UBR3: variants seen among roughly 807,000 people sequenced by gnomAD.
The protein encoded by UBR3 is ubiquitin protein ligase E3 component n-recognin 3.
Under a neutral mutation model 243.2 loss-of-function variants are expected in UBR3, and 85 were observed. The observed-to-expected ratio is 0.35, with a 90% CI of 0.29 to 0.42. The LOEUF is 0.42. Among genes scored for constraint, UBR3 ranks in the 10% least tolerant of loss-of-function variants. The pLI is 1.00. For synonymous variants in UBR3, 748 were observed against 799.8 expected (o/e 0.94, Z 1.09); for missense variants, 1,686 against 2,300.8 (o/e 0.73, Z 5.47).
At chr2:169,853,394 CTTTCT>C (rs1162954707) in intron 1 of UBR3, among the ~76,000 whole-genome samples, 1 of 151,672 alleles carries the variant, frequency 6.6e-6, no homozygotes, top group African/African-American at 2.4e-5. Context: ...TACTTTTTTT[CTTTCT>C]TTTCTTCCTT....
chr2:169,875,233 A>T (rs1028680574), intron 2 of UBR3, among the ~76,000 whole-genome samples: 2 of 152,132 alleles, frequency 1.3e-5, no homozygotes, highest in African/African-American at 4.8e-5. Flanking sequence ...CTAGGATGTG[A>T]TCTAAACTTT....
chr2:170,001,373 T>G lies in UBR3; in HGVS notation c.3988T>G (p.Leu1330Val). The G allele has an allele frequency of 6.2e-7, 1 of 1,613,830 alleles. No individual in the cohort carries two copies. The highest frequency in any genetic ancestry group is 8.5e-7 in the Non-Finnish European group (1 of 1,179,852). ...TTATGTACAAACCTGTGGTCACACA[T>G]TACATATAGATTGTCATAAATCTTA... ...GVYVQTCGHTLHIDCHKSYME... is the reference protein window; with the variant it reads ...GVYVQTCGHTVHIDCHKSYME... The change falls in exon 27 of 39, where the codon TTA (leucine) becomes GTA (valine). Residue 1330 changes from leucine (L) to valine (V), a missense_variant. This residue lies in a region of UBR3 where 156 missense variants were observed against 246.3 expected (regional missense o/e 0.63). Coordinates refer to ENST00000272793, the MANE Select transcript of UBR3 (RefSeq NM_172070.4).
At position 170,055,573 on chromosome 2, in the gene UBR3, G is replaced by C. The variant is rs773483799; in HGVS notation, c.4774G>C (p.Ala1592Pro). The C allele has an allele frequency of 6.8e-6, 11 of 1,613,136 alleles. No individual in the cohort carries two copies. The South Asian group carries it at 1.1e-4, about 16-fold the overall frequency. ...EDRSAWKHAG[A>P]LKKSTCDAEK... ...TAGGTCAGCCTGGAAACACGCGGGA[G>C]CTCTCAAAAAGGTTAGGCTCTTTCT... Residue 1592 changes from alanine to proline, a missense_variant, in exon 33 of 39, where the codon GCT becomes CCT. Physicochemically the swap from Ala to Pro is conservative, Grantham distance 27. Transcript: ENST00000272793.
chr2:169,861,305 T>A (rs2083079978), intron 1 of UBR3, among the ~76,000 whole-genome samples: 1 of 152,138 alleles, frequency 6.6e-6, no homozygotes, highest in Admixed American at 6.6e-5. Context: ...TTTTTCCTAC[T>A]CGTCTTTTCA....
rs2089013416 is a variant in UBR3, at chr2:169,986,590, T to C, written c.3635-55T>C. 1.3e-5 allele frequency: 20 copies of C among 1,531,922 alleles called. 2 individuals are homozygous for C. In the South Asian group the frequency reaches 2.4e-4, roughly 18 times the overall value. The allele number at this position is 1,531,922 out of a possible 1,614,324, so 94.9% of individuals were successfully genotyped here. On this transcript the variant is annotated intron_variant, in intron 24 of 38. Transcript: ENST00000272793. ...ACTTGATTTTTCTCTCACACTTTCATTGAAGAGAGATTTTCCTCCTAAGGA... is the reference window on the plus strand; with the variant it reads ...ACTTGATTTTTCTCTCACACTTTCACTGAAGAGAGATTTTCCTCCTAAGGA...
At chr2:169,874,699 TAA>T (rs1424719851) in intron 2 of UBR3, among the ~76,000 whole-genome samples, 2 of 152,198 alleles carry the variant, frequency 1.3e-5, no homozygotes, top group African/African-American at 4.8e-5. Flanking sequence ...TATTACTATA[TAA>T]GTCACTGGGG....
At chr2:169,891,348 T>G (rs2084367695) in intron 6 of UBR3, 117 bp downstream of exon 6, 1 of 651,162 alleles carries the variant, frequency 1.5e-6, no homozygotes, top group African/African-American at 1.8e-5. Flanking sequence ...GAAGGGAGGC[T>G]TATGTTATTA....
chr2:170,065,795 A>G (rs991564048), intron 35 of UBR3, among the ~76,000 whole-genome samples: 1 of 151,832 alleles, frequency 6.6e-6, no homozygotes, highest in African/African-American at 2.4e-5. Context: ...CCTTTTTACT[A>G]TTTTAGGTAT....
At chr2:169,938,811 C>T (rs2086449996) in intron 19 of UBR3, among the ~76,000 whole-genome samples, 1 of 152,072 alleles carries the variant, frequency 6.6e-6, no homozygotes, top group African/African-American at 2.4e-5. Flanking sequence ...ATCAAATTCT[C>T]TGGTCGATTT....
At chr2:169,951,816 A>T (rs72874423) in intron 23 of UBR3, among the ~76,000 whole-genome samples, 1 of 152,198 alleles carries the variant, frequency 6.6e-6, no homozygotes, top group Non-Finnish European at 1.5e-5. Context: ...TGTGTATGAG[A>T]TATTTAGCAG....
intron 23 of UBR3, among the ~76,000 whole-genome samples, chr2:169,953,157 A>C (rs903410882): frequency 6.6e-6 from 1 of 152,188 alleles, no homozygotes; most frequent in Non-Finnish European, 1.5e-5. Context: ...ATAATATTCT[A>C]AAAATTTTAA....
chr2:169,963,199 A>G (rs183709597), intron 24 of UBR3, among the ~76,000 whole-genome samples: 76 of 152,280 alleles, frequency 5.0e-4, no homozygotes, highest in Non-Finnish European at 8.1e-4. Flanking sequence ...TTGGGGTGCT[A>G]TGTAGTGAAG....
rs2083479831 is a variant in UBR3 at position 169,872,948 on chromosome 2, T to C, written c.685+573T>C. 2.0e-5 allele frequency among the ~76,000 whole-genome samples: 3 copies of C among 152,284 alleles called. No individual in the cohort carries two copies. The South Asian group carries it at 6.2e-4, about 32-fold the overall frequency. ...TTTAAGATTTAATCACAATCTTGAT[T>C]AACATACTTCAGTTAGGTAAATATT... On this transcript the variant is annotated intron_variant, in intron 2 of 38. Transcript: ENST00000272793.
At chr2:169,831,125 A>ATTT (rs2081922275) in intron 1 of UBR3, among the ~76,000 whole-genome samples, 4 of 55,284 alleles carry the variant, frequency 7.2e-5, no homozygotes, top group South Asian at 1.1e-3. Flanking sequence ...ATATATATAT[A>ATTT]TATTTTTTTT....
chr2:169,871,980 G>A (rs772148543), intron 1 of UBR3, among the ~76,000 whole-genome samples: 2 of 152,008 alleles, frequency 1.3e-5, no homozygotes, highest in African/African-American at 4.8e-5. Context: ...AAAGTGCCCT[G>A]TAATGAGATT....
At chr2:169,973,569 T>G (rs951787756) in intron 24 of UBR3, among the ~76,000 whole-genome samples, 4 of 152,250 alleles carry the variant, frequency 2.6e-5, no homozygotes, top group African/African-American at 4.8e-5. Flanking sequence ...GAAGCTTTAC[T>G]GAATTTGCTT....
intron 24 of UBR3, among the ~76,000 whole-genome samples, chr2:169,960,236 CAA>C (rs11461641): frequency 0.1 from 6,436 of 63,832 alleles, 225 homozygotes; most frequent in African/African-American, 0.22. Flanking sequence ...GTGACAAGAG[CAA>C]AAAAAAAAAA....
Position 169,895,197 on chromosome 2 carries a change from T to C in UBR3, c.1122T>C (p.Asp374=). The change falls in exon 7 of 39, where the codon GAT becomes GAC. Residue 374 remains aspartate, a synonymous_variant. Transcript: ENST00000272793. ...CATGTGCAGATCAATCCATAATGGA[T>C]GTTTTGAAGCATAAAAGCTTCCTAG... is the stretch of plus-strand genomic sequence containing the variant. The part of the protein sequence containing the change: ...SSGTKDQSIM[D]VLKHKSFLEE... The C allele has an allele frequency of 1.3e-6, 2 of 1,525,610 alleles. No individual in the cohort carries two copies. The highest frequency in any genetic ancestry group is 1.8e-6 in the Non-Finnish European group (2 of 1,140,620). 94.5% of individuals were successfully genotyped at this position (1,525,610 alleles called of 1,614,324 possible).
intron 31 of UBR3, among the ~76,000 whole-genome samples, chr2:170,034,949 A>T (rs1207994862): frequency 6.6e-6 from 1 of 150,954 alleles, no homozygotes; most frequent in Non-Finnish European, 1.5e-5. Flanking sequence ...TCATATGCTT[A>T]TTAAGCATCT....
Sources: allele counts gnomAD v4.1 joint callset (sites outside exome capture counted in the v4.1 genomes callset), GRCh38; gene constraint gnomAD v4.1.1; regional missense constraint gnomAD v4.1.1; transcripts MANE v1.5; gene names NCBI Gene and HGNC (gene_info 2026-07-23, HGNC 2026-07-21).